The following CCSER1 variants were observed in gnomAD, a reference collection of about 807,000 sequenced individuals.
CCSER1 encodes the protein serine-rich coiled-coil domain-containing protein 1.
Under a neutral mutation model 82.0 loss-of-function variants are expected in CCSER1, and 41 were observed. The ratio of observed to expected loss-of-function variants is 0.50; its 90% CI spans 0.39 to 0.65. The LOEUF is 0.65. CCSER1 is among the 30% of genes least tolerant of loss of function. The pLI, the probability that CCSER1 is intolerant of heterozygous loss-of-function variation, is 0.00. For synonymous variants in CCSER1, 414 were observed against 383.9 expected (o/e 1.08, Z -0.92); for missense variants, 1,119 against 1,064.2 (o/e 1.05, Z -0.72).
chr4:90,252,653 T>C (rs1722607115), intron 1 of CCSER1, among the ~76,000 whole-genome samples: 1 of 151,906 alleles, frequency 6.6e-6, no homozygotes, highest in Admixed American at 6.6e-5. Flanking sequence ...ATTTTAGTTA[T>C]TTTTAAATGT....
chr4:90,537,999 C>T (rs1775625568), intron 5 of CCSER1, among the ~76,000 whole-genome samples: 1 of 152,010 alleles, frequency 6.6e-6, no homozygotes, highest in Non-Finnish European at 1.5e-5. Flanking sequence ...TCATGTCTGC[C>T]TTGAAAATTA....
chr4:91,252,626 G>C (rs959386548), intron 10 of CCSER1, among the ~76,000 whole-genome samples: 1 of 152,106 alleles, frequency 6.6e-6, no homozygotes, highest in Admixed American at 6.6e-5. Flanking sequence ...TTTTTAATAT[G>C]TTGGTCATGT....
intron 10 of CCSER1, among the ~76,000 whole-genome samples, chr4:91,426,842 A>G (rs1460601360): frequency 2.0e-5 from 3 of 152,196 alleles, no homozygotes; most frequent in Non-Finnish European, 2.9e-5. Flanking sequence ...AATGCTTACT[A>G]TATGCTGGGT....
At chr4:90,702,700 G>A (rs1321151303) in intron 6 of CCSER1, among the ~76,000 whole-genome samples, 3 of 152,074 alleles carry the variant, frequency 2.0e-5, no homozygotes. Context: ...TTTAGTCTTG[G>A]GAGGGTGTAT....
At chr4:91,247,435 C>T (rs960274876) in intron 10 of CCSER1, among the ~76,000 whole-genome samples, 1 of 152,140 alleles carries the variant, frequency 6.6e-6, no homozygotes, top group African/African-American at 2.4e-5. Context: ...TAGGACAGCA[C>T]TATGAATTTA....
chr4:91,495,815 T>G lies in CCSER1; in HGVS notation c.2218-102757T>G, dbSNP rs1018766415. ...TACACAAAATAGAAGAAATTTTAAC[T>G]TTATTATAAATTTAAATATAGCTCC... On this transcript the variant is annotated intron_variant, in intron 10 of 10. Coordinates refer to ENST00000509176, the MANE Select transcript of CCSER1 (RefSeq NM_001145065.2). Among the ~76,000 whole-genome samples the G allele has an allele frequency of 2.0e-5, 3 of 151,656 alleles. No homozygotes were observed. The South Asian group carries it at 6.2e-4, about 31-fold the overall frequency.
At chr4:91,015,637 TA>T (rs1739363435) in intron 9 of CCSER1, 1 of 151,864 alleles carries the variant, frequency 6.6e-6, no homozygotes, top group African/African-American at 2.4e-5. Flanking sequence ...ATACAATATT[TA>T]AATATTTATA....
At chr4:90,944,129 A>G (rs1394090524) in intron 9 of CCSER1, among the ~76,000 whole-genome samples, 1 of 150,708 alleles carries the variant, frequency 6.6e-6, no homozygotes, top group Non-Finnish European at 1.5e-5. Flanking sequence ...GCTACTCGGG[A>G]GGCTGAGGCA....
At chr4:91,146,342 G>T (rs1014112808) in intron 10 of CCSER1, among the ~76,000 whole-genome samples, 2 of 151,956 alleles carry the variant, frequency 1.3e-5, no homozygotes, top group Admixed American at 6.6e-5. Flanking sequence ...GCTTTCTTTC[G>T]ATTTCAGCGT....
intron 5 of CCSER1, among the ~76,000 whole-genome samples, chr4:90,541,583 A>C (rs1776121310): frequency 6.6e-6 from 1 of 152,132 alleles, no homozygotes. Context: ...ATACCACTAT[A>C]CCACACACAG....
intron 5 of CCSER1, among the ~76,000 whole-genome samples, chr4:90,569,048 G>A (rs1779788234): frequency 6.6e-6 from 1 of 151,856 alleles, no homozygotes; most frequent in Non-Finnish European, 1.5e-5. Flanking sequence ...CACCATGCCT[G>A]GCCTCTTGCT....
At position 91,101,162 on chromosome 4, in the gene CCSER1, A is replaced by G. The variant is rs79433341; in HGVS notation, c.2217+15168A>G. Among the ~76,000 whole-genome samples, 1,311 of 152,330 alleles carry G rather than the reference A, an allele frequency of 8.6e-3. 14 individuals are homozygous for G. Among genetic ancestry groups the G allele is most frequent in the African/African-American group, 0.03 (1,260 of 41,568 alleles). On this transcript the variant is annotated intron_variant, in intron 10 of 10. Coordinates refer to ENST00000509176, the MANE Select transcript of CCSER1 (RefSeq NM_001145065.2). ...ATTACATACATAGACACGCACATGC[A>G]TAGAAAGCCACACAAAATAATACTT...
chr4:91,092,477 G>T (rs1247370513), intron 10 of CCSER1, among the ~76,000 whole-genome samples: 3 of 152,218 alleles, frequency 2.0e-5, no homozygotes, highest in African/African-American at 7.2e-5. Flanking sequence ...CTGCTCCATA[G>T]GCTTGTATGC....
At chr4:90,185,968 A>C (rs1273687012) in intron 1 of CCSER1, among the ~76,000 whole-genome samples, 1 of 151,986 alleles carries the variant, frequency 6.6e-6, no homozygotes. Flanking sequence ...TGCAATTCAT[A>C]TTGTGCCACA....
chr4:90,375,896 AC>A (rs1325297927), intron 3 of CCSER1, among the ~76,000 whole-genome samples: 2 of 152,108 alleles, frequency 1.3e-5, no homozygotes, highest in Admixed American at 1.3e-4. Flanking sequence ...TTCAAATTTA[AC>A]CGGAGACTGT....
intron 10 of CCSER1, among the ~76,000 whole-genome samples, chr4:91,248,500 A>T (rs1473446561): frequency 6.6e-6 from 1 of 152,218 alleles, no homozygotes; most frequent in African/African-American, 2.4e-5. Flanking sequence ...GGTTTTTCTC[A>T]GAAAAACTCA....
intron 6 of CCSER1, among the ~76,000 whole-genome samples, chr4:90,668,936 T>A (rs1732290061): frequency 1.3e-5 from 2 of 152,082 alleles, no homozygotes; most frequent in Admixed American, 1.3e-4. Context: ...GGATGAATCA[T>A]GTACACATAT....
At chr4:91,547,755 T>C (rs539591069) in intron 10 of CCSER1, among the ~76,000 whole-genome samples, 49 of 152,226 alleles carry the variant, frequency 3.2e-4, no homozygotes, top group Middle Eastern at 6.8e-3. Flanking sequence ...TTTTTTCCAA[T>C]AATCCACAAT....
intron 10 of CCSER1, among the ~76,000 whole-genome samples, chr4:91,302,838 C>A (rs1310095036): frequency 6.7e-6 from 1 of 149,854 alleles, no homozygotes; most frequent in Non-Finnish European, 1.5e-5. Context: ...ATTTGTAAAT[C>A]GGTGCAAATT....
Sources: allele counts gnomAD v4.1 joint callset (sites outside exome capture counted in the v4.1 genomes callset), GRCh38; gene constraint gnomAD v4.1.1; transcripts MANE v1.5; gene names NCBI Gene and HGNC (gene_info 2026-07-23, HGNC 2026-07-21).